The following RYR3 variants were observed in gnomAD, a reference collection of about 807,000 sequenced individuals.
The protein encoded by RYR3 is ryanodine receptor 3.
RYR3 carries 207 observed loss-of-function variants against 584.3 expected under a neutral mutation model. That is an observed-to-expected ratio of 0.35 (90% CI 0.32 to 0.40). The LOEUF (loss-of-function observed/expected upper bound fraction) is 0.40, where lower values mean the gene tolerates loss of function less well. Ranked by LOEUF, RYR3 falls within the 10% of genes least tolerant of loss-of-function variation. The pLI, the probability that RYR3 is intolerant of heterozygous loss-of-function variation, is 1.00. For missense variants in RYR3, 5,616 were observed against 6,089.2 expected, an observed-to-expected ratio of 0.92 and a Z score of 2.59; for synonymous variants, 2,416 against 2,248.5, an observed-to-expected ratio of 1.07 and a Z score of -2.11.
At chr15:33,847,269 T>C (rs977845102) in intron 93 of RYR3, 1 of 152,246 alleles carries the variant, frequency 6.6e-6, no homozygotes, top group African/African-American at 2.4e-5. Flanking sequence ...TTCATTGTTT[T>C]AAAGAAAAAC....
Position 33,716,325 on chromosome 15 carries a change from G to A in RYR3, c.6620-6390G>A, listed in dbSNP as rs535187439. 7.9e-5 allele frequency among the ~76,000 whole-genome samples: 12 copies of A among 152,122 alleles called. 1 individual carries two copies. The South Asian group carries it at 1.7e-3, about 21-fold the overall frequency. ...GGGATTAAGTTTCAACATAAATTTC[G>A]GAGGAGGCACCATGATTCAAACCAT... On this transcript the variant is annotated intron_variant, in intron 43 of 103. Transcript: ENST00000634891.
chr15:33,518,194 T>C (rs1210653449), intron 3 of RYR3, among the ~76,000 whole-genome samples: 1 of 152,232 alleles, frequency 6.6e-6, no homozygotes, highest in Non-Finnish European at 1.5e-5. Flanking sequence ...ACATGCTTCC[T>C]TCTTCAGGCT....
At chr15:33,612,608 C>T (rs1197503269) in intron 18 of RYR3, among the ~76,000 whole-genome samples, 1 of 152,194 alleles carries the variant, frequency 6.6e-6, no homozygotes, top group East Asian at 1.9e-4. Flanking sequence ...GATCCACCTG[C>T]CTCAGCCTCC....
At chr15:33,817,572 A>C (rs915814972) in intron 75 of RYR3, among the ~76,000 whole-genome samples, 2 of 149,118 alleles carry the variant, frequency 1.3e-5, no homozygotes, top group Admixed American at 6.7e-5. Context: ...CTTACCACTC[A>C]CTCTCTCCGT....
chr15:33,560,791 C>A (rs2057358606), intron 10 of RYR3, among the ~76,000 whole-genome samples: 1 of 152,026 alleles, frequency 6.6e-6, no homozygotes, highest in African/African-American at 2.4e-5. Flanking sequence ...AAAATCTCAT[C>A]TATCAAATAC....
chr15:33,510,476 A>G (rs1457033183), intron 3 of RYR3, among the ~76,000 whole-genome samples: 1 of 150,020 alleles, frequency 6.7e-6, no homozygotes, highest in African/African-American at 2.5e-5. Flanking sequence ...GCTCCCATTT[A>G]TTTAGGTAGA....
chr15:33,740,129 G>A lies in RYR3; in HGVS notation c.7820+134G>A. ...CACTGTTCATCATTTCTCTTGATGTGTCAAGTCCCATCAGGCACAAGGTTT... is the reference window on the plus strand; with the variant it reads ...CACTGTTCATCATTTCTCTTGATGTATCAAGTCCCATCAGGCACAAGGTTT... On this transcript the variant is annotated intron_variant, in intron 51 of 103. Coordinates refer to ENST00000634891, the MANE Select transcript of RYR3 (RefSeq NM_001036.6). The A allele has an allele frequency of 8.2e-6, 6 of 733,516 alleles. 1 individual carries two copies. The highest frequency in any genetic ancestry group is 1.3e-5 in the Non-Finnish European group (6 of 451,444). The allele number at this position is 733,516 out of a possible 1,614,324, so 45.4% of individuals were successfully genotyped here.
chr15:33,352,115 T>A (rs926133292), intron 1 of RYR3, among the ~76,000 whole-genome samples: 2 of 152,186 alleles, frequency 1.3e-5, no homozygotes, highest in African/African-American at 4.8e-5. Flanking sequence ...GTACCTTCTT[T>A]AGTGAAGTGA....
intron 57 of RYR3, among the ~76,000 whole-genome samples, chr15:33,751,989 C>G (rs1447530893): frequency 6.6e-6 from 1 of 152,156 alleles, no homozygotes. Flanking sequence ...AATAGGGAAT[C>G]CTTTCCCCAT....
At chr15:33,633,225 T>A (rs1595902956) in intron 24 of RYR3, 117 bp downstream of exon 24, 1 of 958,838 alleles carries the variant, frequency 1.0e-6, no homozygotes. Flanking sequence ...ACTCTATCCC[T>A]CACACCTCAG....
chr15:33,664,728 G>C (rs951735099), intron 36 of RYR3, among the ~76,000 whole-genome samples: 1 of 151,260 alleles, frequency 6.6e-6, no homozygotes, highest in Admixed American at 6.6e-5. Context: ...TTAGCATGAC[G>C]CCTGTCATAG....
intron 60 of RYR3, among the ~76,000 whole-genome samples, chr15:33,758,633 A>G (rs1301839703): frequency 6.6e-6 from 1 of 152,200 alleles, no homozygotes; most frequent in African/African-American, 2.4e-5. Flanking sequence ...GAAAGAAAGG[A>G]GGCAGCCCCA....
chr15:33,637,465 A>G (rs1311161943), intron 27 of RYR3, among the ~76,000 whole-genome samples: 2 of 152,242 alleles, frequency 1.3e-5, no homozygotes, highest in East Asian at 1.9e-4. Flanking sequence ...GTGCTGGATC[A>G]GGAGACCTGG....
At chr15:33,685,258 G>A (rs1414973331) in intron 38 of RYR3, among the ~76,000 whole-genome samples, 22 of 152,206 alleles carry the variant, frequency 1.4e-4, no homozygotes, top group African/African-American at 3.6e-4. Context: ...AAGATCTACC[G>A]AGCAAATGGA....
At chr15:33,857,047 C>G (rs2079753123) in intron 98 of RYR3, among the ~76,000 whole-genome samples, 1 of 152,156 alleles carries the variant, frequency 6.6e-6, no homozygotes, top group South Asian at 2.1e-4. Flanking sequence ...TAACAAAACA[C>G]AATGTATCCC....
chr15:33,581,502 T>C lies in RYR3; in HGVS notation c.1438-6T>C, dbSNP rs750129544. 1 of 1,613,164 alleles carries C rather than the reference T, an allele frequency of 6.2e-7. No individual in the cohort carries two copies. The highest frequency in any genetic ancestry group is 8.5e-7 in the Non-Finnish European group (1 of 1,179,260). On this transcript the variant is annotated splice_region_variant and splice_polypyrimidine_tract_variant and intron_variant, in intron 13 of 103. Coordinates refer to ENST00000634891, the MANE Select transcript of RYR3 (RefSeq NM_001036.6). The stretch of plus-strand genomic sequence containing the variant: ...TGTTTACATTTTCCTCCACTCTCCT[T>C]CTCAGGGAATGTTGGCCCTTGTCTT...
intron 2 of RYR3, among the ~76,000 whole-genome samples, chr15:33,495,018 G>C (rs2142568784): frequency 6.6e-6 from 1 of 152,244 alleles, no homozygotes; most frequent in South Asian, 2.1e-4. Flanking sequence ...GGAAGAAAAA[G>C]CTTATATGGT....
At chr15:33,497,572 TTATC>T (rs896725193) in intron 2 of RYR3, among the ~76,000 whole-genome samples, 1 of 152,198 alleles carries the variant, frequency 6.6e-6, no homozygotes, top group African/African-American at 2.4e-5. Flanking sequence ...CTAGCCCTCT[TTATC>T]TGTCTTTTTA....
rs1348694226 is a variant in RYR3 at position 33,840,868 on chromosome 15, A to C, written c.13022A>C (p.Glu4341Ala). The change falls in exon 90 of 104, where the codon GAA becomes GCA. Residue 4341 changes from glutamate (E) to alanine (A), a missense_variant. Glu to Ala is a moderately radical substitution (Grantham distance 107). Around this residue, in one of 9 missense-constraint regions of RYR3, gnomAD observed 918 missense variants for 887.4 expected, o/e 1.03. Coordinates refer to ENST00000634891, the MANE Select transcript of RYR3 (RefSeq NM_001036.6). ...KAANEAEGKV[E>A]SEKADMEDGE... ...GCAAATGAAGCAGAAGGAAAAGTAG[A>C]ATCCGAGAAGGCAGAGTAAGTTCTT... 6.2e-6 allele frequency: 10 copies of C among 1,613,818 alleles called. No homozygotes were observed. The highest frequency in any genetic ancestry group is 8.5e-6 in the Non-Finnish European group (10 of 1,179,864).
Sources: gnomAD v4.1 joint callset for allele counts (sites outside exome capture counted in the v4.1 genomes callset) on GRCh38, gnomAD v4.1.1 for gene constraint, gnomAD v4.1.1 regional missense constraint, MANE v1.5 for transcripts, NCBI Gene and HGNC (gene_info 2026-07-23, HGNC 2026-07-21) for gene names.